Variants in SH3PXD2B observed in about 807,000 individuals in gnomAD.
The protein encoded by SH3PXD2B is SH3 and PX domains 2B.
A neutral mutation model predicts 73.1 loss-of-function variants in SH3PXD2B; 37 were observed. The observed-to-expected ratio is 0.51, with a 90% confidence interval of 0.39 to 0.67. The LOEUF (loss-of-function observed/expected upper bound fraction) is 0.67. Ranked by LOEUF, SH3PXD2B falls within the 30% of genes least tolerant of loss-of-function variation. SH3PXD2B has a pLI of 0.00. For missense variants in SH3PXD2B, 1,053 were observed against 1,197.8 expected, an observed-to-expected ratio of 0.88 and a Z score of 1.78; for synonymous variants, 457 against 480.5, an observed-to-expected ratio of 0.95 and a Z score of 0.64.
At chr5:172,393,269 T>C (rs1186672972) in intron 4 of SH3PXD2B, among the ~76,000 whole-genome samples, 1 of 152,228 alleles carries the variant, frequency 6.6e-6, no homozygotes, top group Admixed American at 6.5e-5. Flanking sequence ...ACCCTGCACT[T>C]CTTTTGTTAA....
At chr5:172,405,468 A>G (rs928770248) in intron 3 of SH3PXD2B, among the ~76,000 whole-genome samples, 1 of 152,206 alleles carries the variant, frequency 6.6e-6, no homozygotes, top group African/African-American at 2.4e-5. Context: ...TTGCTGCCCC[A>G]CTGTTGGCTG....
intron 11 of SH3PXD2B, among the ~76,000 whole-genome samples, chr5:172,346,765 A>G (rs1416794176): frequency 6.6e-6 from 1 of 152,072 alleles, no homozygotes; most frequent in East Asian, 1.9e-4. Flanking sequence ...GTGCTTGATA[A>G]ATAGCAGACA....
Position 172,338,093 on chromosome 5 carries a change from CAGG to C in SH3PXD2B, c.*273_*275del, listed in dbSNP as rs897568067. 8 of 1,362,680 alleles carry C rather than the reference CAGG, an allele frequency of 5.9e-6. No homozygotes were observed. The highest frequency in any genetic ancestry group is 2.9e-5 in the African/African-American group (2 of 68,102). 84.4% of individuals were successfully genotyped at this position (1,362,680 alleles called of 1,614,324 possible). On this transcript the variant is annotated 3_prime_UTR_variant, in exon 13 of 13. Coordinates refer to ENST00000311601, the MANE Select transcript of SH3PXD2B (RefSeq NM_001017995.3). This position sits in a 1 kb window ranked among gnomAD's most constrained non-coding sequence, Gnocchi z 5.1. ...ACTGCTGGGTGGCAATGCCATTGGCCAGGAGGAGTTCTCTTAAGGCAGGGATGC... is the reference window on the plus strand; with the variant it reads ...ACTGCTGGGTGGCAATGCCATTGGCCAGGAGTTCTCTTAAGGCAGGGATGC...
At chr5:172,396,456 C>G (rs1561921746) in intron 3 of SH3PXD2B, among the ~76,000 whole-genome samples, 1 of 152,010 alleles carries the variant, frequency 6.6e-6, no homozygotes, top group South Asian at 2.1e-4. Context: ...ACCCTACTGA[C>G]TTTTAAAGAT....
intron 6 of SH3PXD2B, among the ~76,000 whole-genome samples, chr5:172,369,954 T>C (rs1299454179): frequency 4.6e-5 from 7 of 152,214 alleles, no homozygotes; most frequent in African/African-American, 1.4e-4. Context: ...CAGGTACAGA[T>C]AGTTACTCAT....
intron 6 of SH3PXD2B, 46 bp from the exon 7 acceptor site, chr5:172,362,915 G>A: frequency 6.2e-7 from 1 of 1,612,572 alleles, no homozygotes; most frequent in East Asian, 2.2e-5. Flanking sequence ...ACTCATGCAT[G>A]AAAGAGCAGG....
chr5:172,422,549 T>G, intron 1 of SH3PXD2B, 53 bp from the exon 2 acceptor site: 1 of 1,525,078 alleles, frequency 6.6e-7, no homozygotes, highest in Non-Finnish European at 9.0e-7. Flanking sequence ...GGTCTCCCAA[T>G]CTCTGGGACC....
chr5:172,373,505 T>C (rs1232982474), intron 6 of SH3PXD2B, among the ~76,000 whole-genome samples: 1 of 152,234 alleles, frequency 6.6e-6, no homozygotes, highest in Non-Finnish European at 1.5e-5. Flanking sequence ...ACTTGGCAGT[T>C]TTTTGGTATA....
At chr5:172,427,822 G>A (rs988615101) in intron 1 of SH3PXD2B, among the ~76,000 whole-genome samples, 3 of 150,492 alleles carry the variant, frequency 2.0e-5, no homozygotes, top group Non-Finnish European at 1.5e-5. Context: ...CTATCACCCA[G>A]GCTGGAGTGC....
chr5:172,409,648 T>C (rs890808422), intron 2 of SH3PXD2B, among the ~76,000 whole-genome samples: 1 of 152,186 alleles, frequency 6.6e-6, no homozygotes, highest in Non-Finnish European at 1.5e-5. Context: ...ATGACAGGAT[T>C]TCCTTATTTT....
At chr5:172,387,144 ACT>A (rs1223682815) in intron 4 of SH3PXD2B, among the ~76,000 whole-genome samples, 1 of 152,218 alleles carries the variant, frequency 6.6e-6, no homozygotes, top group Non-Finnish European at 1.5e-5. Context: ...GGTAAATACT[ACT>A]GTTATGTTGC....
chr5:172,336,888 G>C lies in SH3PXD2B; in HGVS notation c.*1481C>G. 5 of 985,400 alleles carry C rather than the reference G, an allele frequency of 5.1e-6. No individual in the cohort carries two copies. The highest frequency in any genetic ancestry group is 6.0e-6 in the Non-Finnish European group (5 of 829,958). 61.0% of individuals were successfully genotyped at this position (985,400 alleles called of 1,614,324 possible). ...ACATCTGCCCTGGGTTTCTTCAAGG[G>C]AGAAAACAGATTTGGCAGTGCGTGA... On this transcript the variant is annotated 3_prime_UTR_variant, in exon 13 of 13. Transcript: ENST00000311601.
At chr5:172,425,597 G>C (rs1180472396) in intron 1 of SH3PXD2B, among the ~76,000 whole-genome samples, 1 of 152,096 alleles carries the variant, frequency 6.6e-6, no homozygotes, top group Non-Finnish European at 1.5e-5. Flanking sequence ...TATGACAGCT[G>C]ACAGTGCTGC....
chr5:172,429,582 C>G (rs1209908121), intron 1 of SH3PXD2B, among the ~76,000 whole-genome samples: 1 of 152,118 alleles, frequency 6.6e-6, no homozygotes, highest in Non-Finnish European at 1.5e-5. Context: ...TTCCTCACTT[C>G]CTCTAAGTCA....
chr5:172,445,381 T>C lies in SH3PXD2B; in HGVS notation c.75+8897A>G, dbSNP rs995781487. Among the ~76,000 whole-genome samples, 1 of 152,166 alleles carries C rather than the reference T, an allele frequency of 6.6e-6. No individual in the cohort carries two copies. The highest frequency in any genetic ancestry group is 1.5e-5 in the Non-Finnish European group (1 of 68,028). ...GAATCATCACACCCAGCTAATTTTGTGGATTTTTAGTAGAGATGAGGTCTC... is the reference window on the plus strand; with the variant it reads ...GAATCATCACACCCAGCTAATTTTGCGGATTTTTAGTAGAGATGAGGTCTC... On this transcript the variant is annotated intron_variant, in intron 1 of 12. Coordinates refer to ENST00000311601, the MANE Select transcript of SH3PXD2B (RefSeq NM_001017995.3). The surrounding 1 kb of genome is among the most constrained non-coding windows in gnomAD (Gnocchi z 5.2).
chr5:172,380,513 G>T (rs977652195), intron 5 of SH3PXD2B, among the ~76,000 whole-genome samples: 1 of 152,194 alleles, frequency 6.6e-6, no homozygotes, highest in African/African-American at 2.4e-5. Flanking sequence ...TGGAGACAAA[G>T]GTGCTTTGAG....
At chr5:172,362,340 G>A (rs998703774) in intron 7 of SH3PXD2B, among the ~76,000 whole-genome samples, 2 of 152,176 alleles carry the variant, frequency 1.3e-5, no homozygotes, top group Non-Finnish European at 2.9e-5. Context: ...GGTAGGCTAA[G>A]GAGACAGGGA....
intron 2 of SH3PXD2B, among the ~76,000 whole-genome samples, chr5:172,416,921 C>T (rs1758840456): frequency 6.6e-6 from 1 of 151,892 alleles, no homozygotes; most frequent in African/African-American, 2.4e-5. Flanking sequence ...GTTGGCCAGA[C>T]TGGTCTTGAA....
intron 10 of SH3PXD2B, among the ~76,000 whole-genome samples, chr5:172,348,657 ATCT>A (rs1757063239): frequency 5.3e-5 from 2 of 37,464 alleles, no homozygotes; most frequent in East Asian, 1.9e-3. Flanking sequence ...TATCTATCCT[ATCT>A]ATCTATCTAT....
Sources: allele counts gnomAD v4.1 joint callset (sites outside exome capture counted in the v4.1 genomes callset), GRCh38; gene constraint gnomAD v4.1.1; non-coding constraint Gnocchi (gnomAD v3.1); transcripts MANE v1.5; gene names NCBI Gene and HGNC (gene_info 2026-07-23, HGNC 2026-07-21).